Variants in TMEM39A observed in about 807,000 individuals in gnomAD.
TMEM39A encodes the protein suppressor of SQST-1 aggregates in rpl-43 mutants.
Under a neutral mutation model 51.9 loss-of-function variants are expected in TMEM39A, and 19 were observed. The ratio of observed to expected loss-of-function variants is 0.37; its 90% confidence interval spans 0.26 to 0.54. TMEM39A has a LOEUF of 0.54. Among genes scored for constraint, TMEM39A ranks in the 20% least tolerant of loss-of-function variants. The pLI, the probability that TMEM39A is intolerant of heterozygous loss-of-function variation, is 0.88. For missense variants in TMEM39A, 433 were observed against 590.5 expected (o/e 0.73, Z 2.76); for synonymous variants, 197 against 220.2 (o/e 0.89, Z 0.93).
chr3:119,433,335 C>T (rs2080924729), intron 8 of TMEM39A, among the ~76,000 whole-genome samples: 1 of 152,126 alleles, frequency 6.6e-6, no homozygotes, highest in African/African-American at 2.4e-5. Context: ...GCTGCCAATT[C>T]CTGGGATCAT....
intron 7 of TMEM39A, among the ~76,000 whole-genome samples, chr3:119,436,195 A>G (rs1281031491): frequency 6.6e-6 from 1 of 152,194 alleles, no homozygotes; most frequent in Non-Finnish European, 1.5e-5. Flanking sequence ...GTAATGACTG[A>G]TAAGGGGGAC....
intron 5 of TMEM39A, among the ~76,000 whole-genome samples, chr3:119,445,158 G>A (rs1209280452): frequency 6.6e-6 from 1 of 152,134 alleles, no homozygotes; most frequent in Non-Finnish European, 1.5e-5. Context: ...TGGAGTATGT[G>A]TAACGCTCTG....
At chr3:119,463,244 G>T (rs1384082436) in intron 1 of TMEM39A, 92 bp downstream of exon 1, 1 of 226,538 alleles carries the variant, frequency 4.4e-6, no homozygotes, top group African/African-American at 2.3e-5. Flanking sequence ...GAAGTCGGCA[G>T]AAAGGTAGAC....
At chr3:119,432,346 T>C (rs752414574) in intron 8 of TMEM39A, 132 bp from the exon 9 acceptor site, 3 of 580,154 alleles carry the variant, frequency 5.2e-6, no homozygotes, top group Non-Finnish European at 8.7e-6. Flanking sequence ...GATCTGTTTA[T>C]TTAATATCAA....
chr3:119,449,290 T>C (rs929752458), intron 4 of TMEM39A, among the ~76,000 whole-genome samples: 1 of 152,262 alleles, frequency 6.6e-6, no homozygotes, highest in East Asian at 1.9e-4. Flanking sequence ...AATGTGGTCT[T>C]TGGCCGGGTG....
Position 119,438,038 on chromosome 3 carries a change from T to C in TMEM39A, c.641A>G (p.Asp214Gly), listed in dbSNP as rs774954698. The C allele has an allele frequency of 6.2e-7, 1 of 1,610,768 alleles. No individual in the cohort carries two copies. The highest frequency in any genetic ancestry group is 1.3e-5 in the African/African-American group (1 of 75,022). ...CTCGTGCTGAACCACATAGTTGTAG[T>C]CTGTGAGAAGAAGATGTGCTCTACT... ...QDSRAHLLLT[D>G]YNYVVQHEAV... The change falls in exon 6 of 9, where the codon GAC (aspartate) becomes GGC (glycine). Residue 214 changes from aspartate to glycine, a missense_variant. This residue lies in a region of TMEM39A where 40 missense variants were observed against 22.6 expected (regional missense o/e 1.77). Coordinates refer to ENST00000319172, the MANE Select transcript of TMEM39A (RefSeq NM_018266.3).
intron 4 of TMEM39A, 109 bp downstream of exon 4, chr3:119,452,338 A>G (rs988797588): frequency 4.2e-6 from 3 of 710,052 alleles, no homozygotes; most frequent in Non-Finnish European, 7.1e-6. Context: ...CATGGGAGTA[A>G]AGTAATTTAT....
In TMEM39A at chr3:119,436,956, C is replaced by A; in HGVS notation, c.947G>T (p.Arg316Leu). Residue 316 changes from arginine to leucine, a missense_variant, in exon 7 of 9, where the codon CGC (arginine) becomes CTC (leucine). Physicochemically the swap from Arg to Leu is moderately radical, Grantham distance 102 (BLOSUM62 -2). Transcript: ENST00000319172. ...CATAATGAGGTGCTCACATGACCAG[C>A]GCATGTCATAGTACTGGGTACTCTG... is the stretch of plus-strand genomic sequence containing the variant. Reference protein sequence around the residue: ...FVKSTQYYDMRWSCEHLIMVW... With the variant: ...FVKSTQYYDMLWSCEHLIMVW... The A allele has an allele frequency of 6.2e-7, 1 of 1,613,474 alleles. No individual in the cohort carries two copies. Among genetic ancestry groups the A allele is most frequent in the East Asian group, 2.2e-5 (1 of 44,870 alleles).
At chr3:119,447,274 G>C in intron 4 of TMEM39A, 102 bp from the exon 5 acceptor site, 1 of 1,210,108 alleles carries the variant, frequency 8.3e-7, no homozygotes, top group Non-Finnish European at 1.1e-6. Context: ...AAGCTAAAAT[G>C]TGTCTTTAAA....
rs2081213848 is a variant in TMEM39A at position 119,452,515 on chromosome 3, C to T, written c.352G>A (p.Asp118Asn). The T allele has an allele frequency of 6.2e-7, 1 of 1,613,086 alleles. No individual in the cohort carries two copies. The highest frequency in any genetic ancestry group is 1.7e-5 in the Admixed American group (1 of 59,964). Residue 118 changes from aspartate to asparagine, a missense_variant, in exon 4 of 9, where the codon GAT becomes AAT. Physicochemically the swap from Asp to Asn is conservative, Grantham distance 23. Transcript: ENST00000319172. ...GTGATGAATGCTGCCAGATGATAAT[C>T]AATGAGATGAAAATTCTACAACAGA... ...SCTSLNFHLI[D>N]YHLAAFITVM... is the part of the protein sequence containing the mutation.
At chr3:119,453,483 C>CA (rs2081225285) in intron 3 of TMEM39A, among the ~76,000 whole-genome samples, 1 of 152,214 alleles carries the variant, frequency 6.6e-6, no homozygotes, top group African/African-American at 2.4e-5. Context: ...GCTAAAGGTT[C>CA]ATTTTCCAGC....
In TMEM39A at chr3:119,437,846, T is replaced by C; in HGVS notation, c.833A>G (p.Lys278Arg). 1 of 1,610,270 alleles carries C rather than the reference T, an allele frequency of 6.2e-7. No homozygotes were observed. Among genetic ancestry groups the C allele is most frequent in the Non-Finnish European group, 8.5e-7 (1 of 1,176,720 alleles). The stretch of plus-strand genomic sequence containing the variant: ...CTTGATTCTGTGGTTGAAATCTGCT[T>C]TCAGACATTCTACTTCATTGCGAAT... ...DLIRNEVECL[K>R]ADFNHRIKEV... is the part of the protein sequence containing the mutation. Residue 278 changes from lysine (K) to arginine (R), a missense_variant, in exon 6 of 9, where the codon AAA becomes AGA. Transcript: ENST00000319172.
chr3:119,463,144 T>C (rs886746427), intron 1 of TMEM39A, among the ~76,000 whole-genome samples, 192 bp downstream of exon 1: 1 of 152,150 alleles, frequency 6.6e-6, no homozygotes, highest in Admixed American at 6.5e-5. Flanking sequence ...GAAAGAAAAG[T>C]GCAGGGAAAA....
intron 7 of TMEM39A, chr3:119,435,944 G>A: frequency 7.8e-7 from 1 of 1,289,194 alleles, no homozygotes; most frequent in Non-Finnish European, 1.0e-6. Flanking sequence ...ATCTGTATCA[G>A]ACATCAAGGC....
chr3:119,431,704 C>T lies in TMEM39A; in HGVS notation c.*277G>A, dbSNP rs1277706655. The T allele has an allele frequency of 1.7e-5, 4 of 236,116 alleles. No individual in the cohort carries two copies. The highest frequency in any genetic ancestry group is 3.3e-5 in the Non-Finnish European group (4 of 121,948). The allele number at this position is 236,116 out of a possible 1,614,324, so 14.6% of individuals were successfully genotyped here. ...TGTCAAGTAATACATGAGATGTGTT[C>T]ATAAACGAATGAGTTATTCCAGAGC... On this transcript the variant is annotated 3_prime_UTR_variant, in exon 9 of 9. Coordinates refer to ENST00000319172, the MANE Select transcript of TMEM39A (RefSeq NM_018266.3).
chr3:119,458,632 C>A (rs1162005910), intron 2 of TMEM39A, among the ~76,000 whole-genome samples: 1 of 152,196 alleles, frequency 6.6e-6, no homozygotes, highest in Non-Finnish European at 1.5e-5. Flanking sequence ...TGGTGGCTCA[C>A]ACCTGTAATC....
chr3:119,462,695 T>G, intron 1 of TMEM39A, among the ~76,000 whole-genome samples: 4 of 115,304 alleles, frequency 3.5e-5, no homozygotes, highest in African/African-American at 6.8e-5. Context: ...ACTGAGGAAG[T>G]GGAATGAAAG....
Position 119,430,723 on chromosome 3 carries a change from T to G in TMEM39A, c.*1258A>C, listed in dbSNP as rs2080887484. On this transcript the variant is annotated 3_prime_UTR_variant, in exon 9 of 9. Coordinates refer to ENST00000319172, the MANE Select transcript of TMEM39A (RefSeq NM_018266.3). ...CACTCCTCACAATACTTCCCCTTGG[T>G]GAAGCCTTTCAGGAACTCTTCTGCA... 6.6e-6 allele frequency: 1 copy of G among 152,166 alleles called. No homozygotes were observed. Among genetic ancestry groups the G allele is most frequent in the South Asian group, 2.1e-4 (1 of 4,834 alleles). 9.4% of individuals were successfully genotyped at this position (152,166 alleles called of 1,614,324 possible).
intron 2 of TMEM39A, among the ~76,000 whole-genome samples, chr3:119,458,711 A>C (rs757823358): frequency 1.1e-4 from 17 of 152,136 alleles, no homozygotes; most frequent in Non-Finnish European, 1.8e-4. Flanking sequence ...CCTGGCCAAC[A>C]TGATGAAATC....
Sources: gnomAD v4.1 joint callset for allele counts (sites outside exome capture counted in the v4.1 genomes callset) on GRCh38, gnomAD v4.1.1 for gene constraint, gnomAD v4.1.1 regional missense constraint, MANE v1.5 for transcripts, NCBI Gene and HGNC (gene_info 2026-07-23, HGNC 2026-07-21) for gene names.